The following DCLK1 variants were observed in gnomAD, a reference collection of about 807,000 sequenced individuals.
DCLK1 encodes doublecortin like kinase 1.
In DCLK1, 16 loss-of-function variants were observed where a neutral mutation model predicts 86.2. The ratio of observed to expected loss-of-function variants is 0.19; its 90% confidence interval spans 0.13 to 0.28. The LOEUF (loss-of-function observed/expected upper bound fraction) is 0.28. DCLK1 is among the 10% of genes least tolerant of loss of function. DCLK1 has a pLI of 1.00. For synonymous variants in DCLK1, 369 were observed against 370.5 expected (o/e 1.00, Z 0.05); for missense variants, 590 against 940.2 (o/e 0.63, Z 4.87).
At chr13:36,036,051 A>G (rs1395383838) in intron 3 of DCLK1, among the ~76,000 whole-genome samples, 1 of 152,128 alleles carries the variant, frequency 6.6e-6, no homozygotes, top group Non-Finnish European at 1.5e-5. Context: ...CAGAGGCAGA[A>G]GCACCTACCA....
At chr13:35,825,896 A>G (rs1399018935) in intron 10 of DCLK1, among the ~76,000 whole-genome samples, 1 of 151,184 alleles carries the variant, frequency 6.6e-6, no homozygotes, top group East Asian at 2.0e-4. Flanking sequence ...CACTGCAACC[A>G]CCACCTCCCG....
At chr13:36,091,697 C>G (rs997777201) in intron 3 of DCLK1, among the ~76,000 whole-genome samples, 7 of 152,108 alleles carry the variant, frequency 4.6e-5, no homozygotes, top group Admixed American at 3.9e-4. Flanking sequence ...AAATAGCCAC[C>G]ATTCCTAGCG....
chr13:36,035,569 C>T (rs1353746010), intron 3 of DCLK1, among the ~76,000 whole-genome samples: 1 of 152,148 alleles, frequency 6.6e-6, no homozygotes, highest in Non-Finnish European at 1.5e-5. Context: ...AACAGTGTCT[C>T]GCTCTGTTGC....
intron 3 of DCLK1, among the ~76,000 whole-genome samples, chr13:36,023,100 A>G (rs1226040818): frequency 1.3e-5 from 2 of 152,212 alleles, no homozygotes; most frequent in Non-Finnish European, 2.9e-5. Context: ...TAATATCTGT[A>G]TTAGTCAGGG....
rs569701352 is a variant in DCLK1 at position 35,912,782 on chromosome 13, C to A, written c.823+34576G>T. On this transcript the variant is annotated intron_variant, in intron 4 of 16. Transcript: ENST00000360631. ...GCCCTTTGCCCTCACTGGCAGAGGG[C>A]AGCTGTCCCACACTATGAGGCAAGT... Among the ~76,000 whole-genome samples, 6 of 152,304 alleles carry A rather than the reference C, an allele frequency of 3.9e-5. No individual in the cohort carries two copies. In the East Asian group the frequency reaches 9.7e-4, roughly 25 times the overall value.
intron 3 of DCLK1, among the ~76,000 whole-genome samples, chr13:36,042,451 C>T (rs1008508509): frequency 6.6e-6 from 1 of 152,164 alleles, no homozygotes; most frequent in Non-Finnish European, 1.5e-5. Context: ...ACATTCTCCA[C>T]CTCCTATCCA....
At chr13:35,945,293 G>A (rs944131124) in intron 4 of DCLK1, among the ~76,000 whole-genome samples, 17 of 152,204 alleles carry the variant, frequency 1.1e-4, no homozygotes, top group African/African-American at 2.4e-5. Context: ...TTTTCCTGTT[G>A]TACTTCTCAG....
intron 3 of DCLK1, among the ~76,000 whole-genome samples, chr13:35,962,966 A>G (rs116117113): frequency 6.6e-6 from 1 of 152,306 alleles, no homozygotes; most frequent in African/African-American, 2.4e-5. Context: ...CAGAAGAGTG[A>G]ACTAAGAATA....
At chr13:35,886,736 CAT>C (rs1010008338) in intron 4 of DCLK1, among the ~76,000 whole-genome samples, 9 of 152,176 alleles carry the variant, frequency 5.9e-5, no homozygotes, top group African/African-American at 1.4e-4. Context: ...ACAACACCCA[CAT>C]GTTAGGACAG....
Position 35,986,289 on chromosome 13 carries a change from G to A in DCLK1, c.724-38832C>T, listed in dbSNP as rs146438512. Reference sequence around the variant, plus strand: ...TGCACTCCAGTCTGGGTGACAGAGTGGACTCCGTCTCAAAAAAAAAAAAAA... The same window carrying A: ...TGCACTCCAGTCTGGGTGACAGAGTAGACTCCGTCTCAAAAAAAAAAAAAA... On this transcript the variant is annotated intron_variant, in intron 3 of 16. Coordinates refer to ENST00000360631, the MANE Select transcript of DCLK1 (RefSeq NM_001330071.2). Among the ~76,000 whole-genome samples, 292 of 119,826 alleles carry A rather than the reference G, an allele frequency of 2.4e-3. 2 individuals are homozygous for A. Among genetic ancestry groups the A allele is most frequent in the African/African-American group, 9.0e-3 (280 of 31,194 alleles). 78.6% of individuals were successfully genotyped at this position (119,826 alleles called of 152,430 possible). A position where few individuals can be genotyped will look rare whatever the true frequency, so the allele number is the denominator to read the frequency against.
chr13:36,068,588 T>A (rs1353553607), intron 3 of DCLK1, among the ~76,000 whole-genome samples: 1 of 152,064 alleles, frequency 6.6e-6, no homozygotes, highest in Non-Finnish European at 1.5e-5. Flanking sequence ...CAAATTCTCA[T>A]AATTCTTTTC....
At chr13:35,824,369 G>C (rs1042246164) in intron 10 of DCLK1, among the ~76,000 whole-genome samples, 1 of 151,974 alleles carries the variant, frequency 6.6e-6, no homozygotes, top group African/African-American at 2.4e-5. Context: ...TTGTAGAGAT[G>C]AGGCTTCGCT....
rs954127127 is a variant in DCLK1 at position 35,771,617 on chromosome 13, T to C, written c.*2918A>G. On this transcript the variant is annotated 3_prime_UTR_variant, in exon 17 of 17. Coordinates refer to ENST00000360631, the MANE Select transcript of DCLK1 (RefSeq NM_001330071.2). Reference sequence around the variant, plus strand: ...AAGAGTTCTTCCTTAACTAGTCTACTATCAAACTGAAAAGATGAATCTTAA... The same window carrying C: ...AAGAGTTCTTCCTTAACTAGTCTACCATCAAACTGAAAAGATGAATCTTAA... 1.3e-5 allele frequency: 2 copies of C among 152,300 alleles called. No homozygotes were observed. The highest frequency in any genetic ancestry group is 2.1e-4 in the South Asian group (1 of 4,824). 9.4% of individuals were successfully genotyped at this position (152,300 alleles called of 1,614,324 possible). A position where few individuals can be genotyped will look rare whatever the true frequency, so the allele number is the denominator to read the frequency against.
At chr13:36,117,130 C>T (rs1885818376) in intron 2 of DCLK1, among the ~76,000 whole-genome samples, 1 of 151,466 alleles carries the variant, frequency 6.6e-6, no homozygotes, top group African/African-American at 2.4e-5. Flanking sequence ...ATGTCACCTT[C>T]TCAAATCCAA....
intron 2 of DCLK1, among the ~76,000 whole-genome samples, chr13:36,115,357 A>G (rs1440012624): frequency 1.3e-5 from 2 of 152,170 alleles, no homozygotes; most frequent in African/African-American, 4.8e-5. Context: ...ATAAAAAAAC[A>G]CAAGGTATTT....
At chr13:36,055,262 G>C (rs1883260661) in intron 3 of DCLK1, among the ~76,000 whole-genome samples, 1 of 152,146 alleles carries the variant, frequency 6.6e-6, no homozygotes, top group Non-Finnish European at 1.5e-5. Flanking sequence ...CGCATTAGTA[G>C]AATAGCCTTT....
At chr13:35,912,789 C>T (rs1308142453) in intron 4 of DCLK1, among the ~76,000 whole-genome samples, 1 of 152,144 alleles carries the variant, frequency 6.6e-6, no homozygotes, top group Non-Finnish European at 1.5e-5. Context: ...GGGCAGCTGT[C>T]CCACACTATG....
intron 5 of DCLK1, chr13:35,855,672 G>T: frequency 7.1e-7 from 1 of 1,410,014 alleles, no homozygotes; most frequent in Non-Finnish European, 9.4e-7. Flanking sequence ...TGAGATGCAG[G>T]ATTCATCAGC....
intron 8 of DCLK1, among the ~76,000 whole-genome samples, chr13:35,833,213 G>T (rs1050989213): frequency 1.3e-5 from 2 of 152,118 alleles, no homozygotes; most frequent in Non-Finnish European, 2.9e-5. Flanking sequence ...AGCAGTGCAG[G>T]TGGGGAAGAC....
Sources: allele counts gnomAD v4.1 joint callset (sites outside exome capture counted in the v4.1 genomes callset), GRCh38; gene constraint gnomAD v4.1.1; transcripts MANE v1.5; gene names NCBI Gene and HGNC (gene_info 2026-07-23, HGNC 2026-07-21).